THSD7B: variants seen among roughly 807,000 people sequenced by gnomAD.
THSD7B encodes thrombospondin type-1 domain-containing protein 7B.
THSD7B carries 138 observed loss-of-function variants against 213.6 expected under a neutral mutation model. The ratio of observed to expected loss-of-function variants is 0.65; its 90% CI spans 0.56 to 0.74. The LOEUF (loss-of-function observed/expected upper bound fraction) is 0.74, where lower values mean the gene tolerates loss of function less well. Among genes scored for constraint, THSD7B ranks in the 30% least tolerant of loss-of-function variants. The probability of loss-of-function intolerance (pLI) is 0.00; values close to 1 mark genes in which losing one functional copy is unlikely to be tolerated. For synonymous variants in THSD7B, 742 were observed against 687.0 expected (o/e 1.08, Z -1.25); for missense variants, 1,931 against 1,991.5 (o/e 0.97, Z 0.58).
intron 6 of THSD7B, among the ~76,000 whole-genome samples, chr2:137,167,345 C>G (rs1333684148): frequency 6.6e-6 from 1 of 151,902 alleles, no homozygotes; most frequent in East Asian, 1.9e-4. Flanking sequence ...GGATTACAGG[C>G]AGGTGCCACC....
intron 12 of THSD7B, among the ~76,000 whole-genome samples, chr2:137,333,531 C>T (rs1328787722): frequency 6.6e-6 from 1 of 152,184 alleles, no homozygotes; most frequent in Admixed American, 6.5e-5. Context: ...ACTCATTGCT[C>T]TCTTTAACCT....
intron 2 of THSD7B, among the ~76,000 whole-genome samples, chr2:137,016,122 A>T (rs1341874387): frequency 6.6e-6 from 1 of 152,124 alleles, no homozygotes; most frequent in East Asian, 1.9e-4. Flanking sequence ...TTTCATCCTC[A>T]CAAGAACCTT....
chr2:136,964,932 C>T (rs1423400064), intron 2 of THSD7B, among the ~76,000 whole-genome samples: 2 of 146,576 alleles, frequency 1.4e-5, no homozygotes, highest in Non-Finnish European at 3.0e-5. Flanking sequence ...ACCCAGGAGG[C>T]AGAGGTTGCA....
chr2:137,298,756 G>A (rs1324565353), intron 12 of THSD7B, among the ~76,000 whole-genome samples: 1 of 152,196 alleles, frequency 6.6e-6, no homozygotes, highest in East Asian at 1.9e-4. Context: ...TCCACCTGGT[G>A]TTGAGCCTGC....
intron 4 of THSD7B, among the ~76,000 whole-genome samples, chr2:137,101,189 C>A (rs931962443): frequency 6.6e-6 from 1 of 152,082 alleles, no homozygotes; most frequent in Non-Finnish European, 1.5e-5. Context: ...AGGCATGTGC[C>A]ACCATGCCTG....
chr2:137,428,834 G>A (rs991618994), intron 14 of THSD7B, among the ~76,000 whole-genome samples: 12 of 152,106 alleles, frequency 7.9e-5, no homozygotes, highest in African/African-American at 2.9e-4. Flanking sequence ...GACTTTTAGG[G>A]GTGATTGAGT....
intron 3 of THSD7B, among the ~76,000 whole-genome samples, chr2:137,081,293 G>T (rs952424998): frequency 6.6e-6 from 1 of 151,754 alleles, no homozygotes; most frequent in African/African-American, 2.4e-5. Flanking sequence ...ACATTATTTT[G>T]GTCAGATGTT....
intron 17 of THSD7B, among the ~76,000 whole-genome samples, chr2:137,615,157 C>A (rs564442089): frequency 6.6e-6 from 1 of 151,926 alleles, no homozygotes; most frequent in African/African-American, 2.4e-5. Context: ...ATCCAACATG[C>A]CCTAAAGGAA....
intron 7 of THSD7B, among the ~76,000 whole-genome samples, chr2:137,213,885 G>A (rs919560279): frequency 1.1e-4 from 16 of 152,032 alleles, no homozygotes; most frequent in South Asian, 4.1e-4. Flanking sequence ...CAGCTGTTTC[G>A]TTAGCCCCAT....
At chr2:137,647,705 T>G (rs906119790) in intron 21 of THSD7B, among the ~76,000 whole-genome samples, 1 of 152,068 alleles carries the variant, frequency 6.6e-6, no homozygotes, top group Non-Finnish European at 1.5e-5. Flanking sequence ...GTGCCTCTCC[T>G]TTCTTTCCTC....
intron 1 of THSD7B, among the ~76,000 whole-genome samples, chr2:136,805,442 A>G (rs1248220831): frequency 6.6e-6 from 1 of 152,256 alleles, no homozygotes. Flanking sequence ...AAATGGATAC[A>G]GCCTAAAATT....
intron 2 of THSD7B, among the ~76,000 whole-genome samples, chr2:136,999,922 AAATTT>A (rs1207640338): frequency 6.6e-6 from 1 of 152,156 alleles, no homozygotes; most frequent in East Asian, 1.9e-4. Flanking sequence ...TTAGGGTTCC[AAATTT>A]AATTGTATGA....
At chr2:136,881,710 T>A (rs1434948161) in intron 1 of THSD7B, among the ~76,000 whole-genome samples, 3 of 152,130 alleles carry the variant, frequency 2.0e-5, no homozygotes, top group African/African-American at 7.2e-5. Flanking sequence ...CATTAAAGCT[T>A]ATTTTCTTAC....
chr2:137,521,393 CAT>C (rs1163693174), intron 15 of THSD7B, among the ~76,000 whole-genome samples: 6 of 152,068 alleles, frequency 3.9e-5, no homozygotes, highest in African/African-American at 1.4e-4. Context: ...CTTGTACACT[CAT>C]GGGTAGAGAG....
chr2:136,833,340 G>A (rs1405630766), intron 1 of THSD7B, among the ~76,000 whole-genome samples: 1 of 115,624 alleles, frequency 8.6e-6, no homozygotes, highest in Non-Finnish European at 1.6e-5. Flanking sequence ...GTCTGGCCTC[G>A]GCGAAAGAGC....
intron 15 of THSD7B, among the ~76,000 whole-genome samples, chr2:137,520,118 G>A (rs1259457951): frequency 6.6e-6 from 1 of 152,132 alleles, no homozygotes; most frequent in Non-Finnish European, 1.5e-5. Context: ...AAAAGCTCTG[G>A]ACTTGGAATT....
intron 15 of THSD7B, among the ~76,000 whole-genome samples, chr2:137,538,010 G>A (rs1334217336): frequency 6.6e-6 from 1 of 151,722 alleles, no homozygotes; most frequent in Non-Finnish European, 1.5e-5. Flanking sequence ...GAGGGGACCA[G>A]TAGGGACAAG....
At chr2:137,281,363 A>AT (rs1270908475) in intron 12 of THSD7B, among the ~76,000 whole-genome samples, 1 of 151,580 alleles carries the variant, frequency 6.6e-6, no homozygotes, top group East Asian at 1.9e-4. Context: ...TTATTTATTT[A>AT]TTTATTTTTT....
chr2:137,537,894 C>T (rs1680535909), intron 15 of THSD7B, among the ~76,000 whole-genome samples: 1 of 151,642 alleles, frequency 6.6e-6, no homozygotes, highest in South Asian at 2.1e-4. Flanking sequence ...TCAGGGAGCA[C>T]ACAGTCTAGT....
Sources: gnomAD v4.1 joint callset for allele counts (sites outside exome capture counted in the v4.1 genomes callset) on GRCh38, gnomAD v4.1.1 for gene constraint, MANE v1.5 for transcripts, NCBI Gene and HGNC (gene_info 2026-07-23, HGNC 2026-07-21) for gene names.